LRP5: variants seen among roughly 807,000 people sequenced by gnomAD.
LRP5 encodes the protein LDL receptor related protein 5, also known as low-density lipoprotein receptor-related protein 5.
LRP5 carries 62 observed loss-of-function variants against 154.1 expected under a neutral mutation model. That is an observed-to-expected ratio of 0.40 (90% CI 0.33 to 0.50). The LOEUF (loss-of-function observed/expected upper bound fraction) is 0.50, where lower values mean the gene tolerates loss of function less well. Among genes scored for constraint, LRP5 ranks in the 20% least tolerant of loss-of-function variants. The pLI, the probability that LRP5 is intolerant of heterozygous loss-of-function variation, is 0.55. For synonymous variants in LRP5, 966 were observed against 1,011.5 expected (o/e 0.96, Z 0.85); for missense variants, 1,915 against 2,336.7 (o/e 0.82, Z 3.72).
At chr11:68,335,573 C>A (rs2098605263) in intron 1 of LRP5, among the ~76,000 whole-genome samples, 1 of 152,030 alleles carries the variant, frequency 6.6e-6, no homozygotes, top group Non-Finnish European at 1.5e-5. Flanking sequence ...CTAAAAAGCA[C>A]CTTATTTACT....
intron 21 of LRP5, 168 bp downstream of exon 21, chr11:68,440,084 CATT>C: frequency 3.2e-6 from 2 of 632,128 alleles, no homozygotes; most frequent in Non-Finnish European, 5.4e-6. Flanking sequence ...TCTTTAATGA[CATT>C]GTTGATTGTG....
At chr11:68,340,918 T>A (rs1359803953) in intron 1 of LRP5, among the ~76,000 whole-genome samples, 1 of 152,194 alleles carries the variant, frequency 6.6e-6, no homozygotes, top group African/African-American at 2.4e-5. Context: ...AAATCATGGT[T>A]CACGGTTATG....
intron 7 of LRP5, among the ~76,000 whole-genome samples, chr11:68,394,614 T>C (rs2098648218): frequency 6.6e-6 from 1 of 152,068 alleles, no homozygotes; most frequent in Admixed American, 6.5e-5. Flanking sequence ...TACAGGCGCC[T>C]GCCACCGCGC....
intron 1 of LRP5, among the ~76,000 whole-genome samples, chr11:68,324,560 G>A (rs1342742746): frequency 6.6e-6 from 1 of 152,234 alleles, no homozygotes; most frequent in East Asian, 1.9e-4. Context: ...GGGTCACGAT[G>A]GGAGGGAGGC....
chr11:68,399,738 G>A (rs1200744395), intron 7 of LRP5, among the ~76,000 whole-genome samples: 1 of 152,216 alleles, frequency 6.6e-6, no homozygotes, highest in Non-Finnish European at 1.5e-5. Flanking sequence ...GAGGCCTCCT[G>A]AGTCGGCCCA....
At chr11:68,345,961 A>T (rs889820164) in intron 1 of LRP5, among the ~76,000 whole-genome samples, 3 of 152,114 alleles carry the variant, frequency 2.0e-5, no homozygotes, top group Non-Finnish European at 4.4e-5. Flanking sequence ...GGCCATTTAT[A>T]TGTCATCTTT....
intron 1 of LRP5, among the ~76,000 whole-genome samples, chr11:68,341,071 T>C (rs998804892): frequency 6.7e-6 from 1 of 149,104 alleles, no homozygotes; most frequent in African/African-American, 2.5e-5. Flanking sequence ...TTTTTTTTTT[T>C]TTTTTTTGCT....
chr11:68,376,259 G>A (rs1339485818), intron 5 of LRP5, among the ~76,000 whole-genome samples: 1 of 147,098 alleles, frequency 6.8e-6, no homozygotes, highest in Non-Finnish European at 1.5e-5. Flanking sequence ...TCCGCTAACT[G>A]CAACCTCTGC....
intron 2 of LRP5, among the ~76,000 whole-genome samples, chr11:68,349,027 CTTT>C (rs368502197): frequency 8.1e-6 from 1 of 123,578 alleles, no homozygotes. Context: ...AGTTATGTTC[CTTT>C]TTTTTTTTTT....
At position 68,438,594 on chromosome 11, in the gene LRP5, GC is replaced by G. The variant is rs936998542; in HGVS notation, c.4263del (p.Phe1422SerfsTer17). 1.9e-6 allele frequency: 3 copies of G among 1,613,878 alleles called. No homozygotes were observed. The African/African-American group carries it at 4.0e-5, about 22-fold the overall frequency. On this transcript the variant is annotated frameshift_variant, in exon 20 of 23. Transcript: ENST00000294304. LOFTEE classifies it high-confidence loss of function. Reference sequence around the variant, plus strand: ...GCCAGCGCTATGCGGGGGCCAACGGGCCCTTCCCGCACGAGTATGTCAGCGG... The same window carrying G: ...GCCAGCGCTATGCGGGGGCCAACGGGCCTTCCCGCACGAGTATGTCAGCGG... Reference protein sequence around the residue: ...VCQRYAGANGPFPHEYVSGTP... With the variant: ...VCQRYAGANGXFPHEYVSGTP...
At chr11:68,403,875 G>A in intron 8 of LRP5, 176 bp downstream of exon 8, 1 of 679,256 alleles carries the variant, frequency 1.5e-6, no homozygotes, top group Non-Finnish European at 2.5e-6. Flanking sequence ...CAAGGGAGCT[G>A]ATTAGGGAGT....
chr11:68,360,931 A>AGCTT (rs2098627373), intron 3 of LRP5, among the ~76,000 whole-genome samples: 1 of 126,322 alleles, frequency 7.9e-6, no homozygotes, highest in South Asian at 2.8e-4. Flanking sequence ...TGGGAGGCGG[A>AGCTT]GCTTGCAGTG....
intron 20 of LRP5, among the ~76,000 whole-genome samples, chr11:68,439,001 G>C (rs1200365964): frequency 6.6e-6 from 1 of 152,218 alleles, no homozygotes; most frequent in Non-Finnish European, 1.5e-5. Context: ...AAATGAATGT[G>C]GGGGCGGCTG....
chr11:68,299,376 G>A, the LRP5 span, among the ~76,000 whole-genome samples: 1 of 152,298 alleles, frequency 6.6e-6, no homozygotes, highest in Admixed American at 6.5e-5. Flanking sequence ...CGTGCTGAAG[G>A]CTGCAGAATC....
chr11:68,409,067 AAAAAAAATAT>A (rs1274311074), intron 9 of LRP5, among the ~76,000 whole-genome samples: 2 of 44,316 alleles, frequency 4.5e-5, no homozygotes, highest in Non-Finnish European at 7.8e-5. Flanking sequence ...AAAAAAAAAA[AAAAAAAATAT>A]ATATATATAT....
At chr11:68,441,457 C>T (rs1196990751) in intron 21 of LRP5, among the ~76,000 whole-genome samples, 1 of 152,194 alleles carries the variant, frequency 6.6e-6, no homozygotes, top group Non-Finnish European at 1.5e-5. Context: ...TCTTGGTTTC[C>T]TGGACAGTAA....
At chr11:68,443,505 A>AGAACTTTTGTC (rs1565121636) in intron 21 of LRP5, among the ~76,000 whole-genome samples, 27 of 130,648 alleles carry the variant, frequency 2.1e-4, no homozygotes, top group Non-Finnish European at 3.3e-4. Flanking sequence ...AAAAAAAAAA[A>AGAACTTTTGTC]AAGAAAAGAA....
rs73516807 is a variant in LRP5, at chr11:68,431,691, C to A, written c.3764-1911C>A. On this transcript the variant is annotated intron_variant, in intron 17 of 22. Transcript: ENST00000294304. ...GTGACTGTCCCCCTCCTGAGCTTCC[C>A]AGCAGCTTTTCTCCAAGTTACAGCC... 3.9e-3 allele frequency among the ~76,000 whole-genome samples: 594 copies of A among 152,334 alleles called. 3 individuals carry two copies. Among genetic ancestry groups the A allele is most frequent in the African/African-American group, 0.014 (574 of 41,564 alleles).
intron 7 of LRP5, among the ~76,000 whole-genome samples, chr11:68,400,092 C>T (rs2098651793): frequency 6.6e-6 from 1 of 152,050 alleles, no homozygotes; most frequent in African/African-American, 2.4e-5. Context: ...CAGGAGATTC[C>T]GCAGGCCCTG....
Sources: gnomAD v4.1 joint callset for allele counts (sites outside exome capture counted in the v4.1 genomes callset) on GRCh38, gnomAD v4.1.1 for gene constraint, MANE v1.5 for transcripts, NCBI Gene and HGNC (gene_info 2026-07-23, HGNC 2026-07-21) for gene names.